KIF26B: variants seen among roughly 807,000 people sequenced by gnomAD.
The protein encoded by KIF26B is kinesin family member 26B, also known as kinesin-like protein KIF26B.
A neutral mutation model predicts 151.2 loss-of-function variants in KIF26B; 63 were observed. The ratio of observed to expected loss-of-function variants is 0.42; its 90% CI spans 0.34 to 0.51. The LOEUF (loss-of-function observed/expected upper bound fraction) is 0.51. KIF26B is among the 20% of genes least tolerant of loss of function. The pLI is 0.07. For synonymous variants in KIF26B, 1,357 were observed against 1,262.1 expected (o/e 1.08, Z -1.59); for missense variants, 2,813 against 2,913.6 (o/e 0.97, Z 0.79).
In KIF26B at chr1:245,567,655, G is replaced by A. The variant is rs975649011; in HGVS notation, c.1350+26705G>A. ...ACCAAACCATGCTGCTCCCCCAGTG[G>A]CCCACCATGAAAACCTCTGGAAAAC... On this transcript the variant is annotated intron_variant, in intron 5 of 14. Transcript: ENST00000407071. Among the ~76,000 whole-genome samples the A allele has an allele frequency of 3.3e-5, 5 of 152,124 alleles. 1 individual carries two copies. The highest frequency in any genetic ancestry group is 1.3e-4 in the Admixed American group (2 of 15,276).
chr1:245,382,389 G>A (rs1391686154), intron 3 of KIF26B, among the ~76,000 whole-genome samples: 3 of 152,106 alleles, frequency 2.0e-5, no homozygotes, highest in East Asian at 3.9e-4. Flanking sequence ...ACCACTCAAA[G>A]CCTCAATTTC....
chr1:245,212,698 T>C (rs915111046), intron 2 of KIF26B, among the ~76,000 whole-genome samples: 1 of 152,220 alleles, frequency 6.6e-6, no homozygotes, highest in East Asian at 1.9e-4. Flanking sequence ...GGTGTAACTT[T>C]GCGTGCTGTC....
intron 5 of KIF26B, among the ~76,000 whole-genome samples, chr1:245,578,344 G>A (rs765827105): frequency 6.6e-6 from 1 of 152,230 alleles, no homozygotes; most frequent in Non-Finnish European, 1.5e-5. Context: ...GTAGACATCA[G>A]CTTGGGTCTG....
At chr1:245,347,398 G>A (rs1672477070) in intron 2 of KIF26B, among the ~76,000 whole-genome samples, 1 of 151,888 alleles carries the variant, frequency 6.6e-6, no homozygotes, top group Non-Finnish European at 1.5e-5. Context: ...CTGTAGCCCT[G>A]TAGCCTTGAA....
chr1:245,403,292 T>C (rs1674051335), intron 3 of KIF26B, among the ~76,000 whole-genome samples: 1 of 152,212 alleles, frequency 6.6e-6, no homozygotes, highest in Non-Finnish European at 1.5e-5. Flanking sequence ...ATATTGTTCT[T>C]AAAGGTTTAT....
At chr1:245,600,139 C>A (rs372554783) in intron 5 of KIF26B, among the ~76,000 whole-genome samples, 2 of 54,420 alleles carry the variant, frequency 3.7e-5, no homozygotes, top group African/African-American at 2.6e-4. Context: ...CCCGGGTTCA[C>A]GCCATTCTTC....
intron 4 of KIF26B, among the ~76,000 whole-genome samples, chr1:245,473,330 G>C (rs555259979): frequency 4.6e-5 from 7 of 152,264 alleles, no homozygotes; most frequent in African/African-American, 1.7e-4. Context: ...TGATGTTTCT[G>C]ATTTACCTGA....
chr1:245,213,492 G>T (rs1669583314), intron 2 of KIF26B, among the ~76,000 whole-genome samples: 1 of 152,226 alleles, frequency 6.6e-6, no homozygotes, highest in African/African-American at 2.4e-5. Context: ...GGAGTTCAGG[G>T]ATGGAAGTGC....
chr1:245,351,116 C>G (rs1672558806), intron 2 of KIF26B, among the ~76,000 whole-genome samples: 1 of 152,206 alleles, frequency 6.6e-6, no homozygotes, highest in Non-Finnish European at 1.5e-5. Flanking sequence ...CTCTTCTGAC[C>G]TATGCATTGG....
chr1:245,175,312 A>G (rs1025697046), intron 2 of KIF26B, among the ~76,000 whole-genome samples: 4 of 152,036 alleles, frequency 2.6e-5, no homozygotes, highest in African/African-American at 9.7e-5. Flanking sequence ...CATACACACT[A>G]GATAGCAGCT....
At chr1:245,310,737 A>G (rs1162415023) in intron 2 of KIF26B, among the ~76,000 whole-genome samples, 3 of 152,222 alleles carry the variant, frequency 2.0e-5, no homozygotes, top group Non-Finnish European at 4.4e-5. Flanking sequence ...CAGCAGCAGC[A>G]ACGCGGGACG....
rs1055751821 is a variant in KIF26B, at chr1:245,709,423, T to A, written c.*6817T>A. On this transcript the variant is annotated 3_prime_UTR_variant, in exon 15 of 15. Coordinates refer to ENST00000407071, the MANE Select transcript of KIF26B (RefSeq NM_018012.4). ...AACTATGGTGGCATTAAATGTTCAC[T>A]TTTATTCTACCCAGAGTTGTGAATT... 3 of 152,230 alleles carry A rather than the reference T, an allele frequency of 2.0e-5. No homozygotes were observed. Among genetic ancestry groups the A allele is most frequent in the Admixed American group, 6.5e-5 (1 of 15,290 alleles). The allele number at this position is 152,230 out of a possible 1,614,324, so 9.4% of individuals were successfully genotyped here. A position where few individuals can be genotyped will look rare whatever the true frequency, so the allele number is the denominator to read the frequency against.
chr1:245,671,297 T>C (rs1175842027), intron 10 of KIF26B, among the ~76,000 whole-genome samples: 1 of 152,214 alleles, frequency 6.6e-6, no homozygotes, highest in East Asian at 1.9e-4. Context: ...TATTCACTCA[T>C]AAAAAGTGTG....
At chr1:245,421,262 G>C (rs979019674) in intron 4 of KIF26B, among the ~76,000 whole-genome samples, 10 of 152,170 alleles carry the variant, frequency 6.6e-5, no homozygotes, top group African/African-American at 2.4e-4. Context: ...TTCAAAGGAG[G>C]CTGACTAAGA....
chr1:245,461,855 A>G (rs188520337), intron 4 of KIF26B, among the ~76,000 whole-genome samples: 93 of 152,328 alleles, frequency 6.1e-4, no homozygotes, highest in African/African-American at 1.9e-3. Context: ...GACTCATGCC[A>G]GTAATCCCAG....
At chr1:245,568,217 A>C (rs2043030248) in intron 5 of KIF26B, among the ~76,000 whole-genome samples, 1 of 133,440 alleles carries the variant, frequency 7.5e-6, no homozygotes, top group East Asian at 2.4e-4. Flanking sequence ...AAAAAAAAGA[A>C]GCTCTCAAAG....
chr1:245,233,642 A>G (rs1429570188), intron 2 of KIF26B, among the ~76,000 whole-genome samples: 3 of 152,136 alleles, frequency 2.0e-5, no homozygotes, highest in Non-Finnish European at 4.4e-5. Context: ...CTCCCTACAC[A>G]CACTTAAAAA....
chr1:245,366,403 G>A (rs1159571304), intron 2 of KIF26B, among the ~76,000 whole-genome samples: 1 of 151,726 alleles, frequency 6.6e-6, no homozygotes, highest in East Asian at 1.9e-4. Context: ...GTGGTGGTGG[G>A]CGCCTGTAGT....
At chr1:245,620,407 T>A (rs2096053) in intron 9 of KIF26B, among the ~76,000 whole-genome samples, 61,055 of 116,884 alleles carry the variant, frequency 0.52, 12,896 homozygotes, top group East Asian at 0.6. Context: ...TTAAAAAAAA[T>A]TTTTTTTTTT....
Sources: gnomAD v4.1 joint callset for allele counts (sites outside exome capture counted in the v4.1 genomes callset) on GRCh38, gnomAD v4.1.1 for gene constraint, MANE v1.5 for transcripts, NCBI Gene and HGNC (gene_info 2026-07-23, HGNC 2026-07-21) for gene names.